Variants in CACNA2D4 observed in about 807,000 individuals in gnomAD.
CACNA2D4 encodes the protein voltage-dependent calcium channel subunit alpha-2/delta-4.
Under a neutral mutation model 163.8 loss-of-function variants are expected in CACNA2D4, and 157 were observed. That is an observed-to-expected ratio of 0.96 (90% CI 0.84 to 1.09). The LOEUF (loss-of-function observed/expected upper bound fraction) is 1.09, where lower values mean the gene tolerates loss of function less well. Among genes scored for constraint, CACNA2D4 ranks in the 50% least tolerant of loss-of-function variants. The pLI is 0.00. For missense variants in CACNA2D4, 1,410 were observed against 1,479.9 expected (o/e 0.95, Z 0.78); for synonymous variants, 598 against 586.9 (o/e 1.02, Z -0.27).
At chr12:1,817,619 G>A (rs71454843) in intron 26 of CACNA2D4, among the ~76,000 whole-genome samples, 14,671 of 151,824 alleles carry the variant, frequency 0.097, 834 homozygotes, top group Admixed American at 0.19. Flanking sequence ...AAGTGCCTGC[G>A]ATTGCAGGCG....
At chr12:1,914,803 G>C in intron 2 of CACNA2D4, 51 bp downstream of exon 2, 1 of 1,306,640 alleles carries the variant, frequency 7.7e-7, no homozygotes, top group Non-Finnish European at 1.1e-6. Context: ...GGGCTTCGAT[G>C]GCTGACTGCC....
chr12:1,835,422 TACAC>T (rs137889817), intron 26 of CACNA2D4: 121 of 150,534 alleles, frequency 8.0e-4, no homozygotes, highest in Non-Finnish European at 1.6e-3. Context: ...AAAGAATTAA[TACAC>T]ACACACACAC....
rs552298026 is a variant in CACNA2D4 at position 1,795,985 on chromosome 12, C to A, written c.3114-205G>T. On this transcript the variant is annotated intron_variant, in intron 35 of 37. Coordinates refer to ENST00000382722, the MANE Select transcript of CACNA2D4 (RefSeq NM_172364.5). The stretch of plus-strand genomic sequence containing the variant: ...CTTTGCTCACAAGCCTTTGCTGCTG[C>A]ATTTCCTTTCCTAGCAGACTGGAGA... 25 of 590,134 alleles carry A rather than the reference C, an allele frequency of 4.2e-5. No individual in the cohort carries two copies. In the East Asian group the frequency reaches 5.7e-4, roughly 13 times the overall value. 36.6% of individuals were successfully genotyped at this position (590,134 alleles called of 1,614,324 possible).
At position 1,856,193 on chromosome 12, in the gene CACNA2D4, G is replaced by A; in HGVS notation, c.2045C>T (p.Ala682Val). 1 of 1,613,966 alleles carries A rather than the reference G, an allele frequency of 6.2e-7. No homozygotes were observed. Among genetic ancestry groups the A allele is most frequent in the Non-Finnish European group, 8.5e-7 (1 of 1,179,874 alleles). ...HDLLHPDLAL[A>V]GDWIYCITDI... ...TTTACTCCTCACTTACCAGTCACCG[G>A]CCAGGGCCAGGTCTGGGTGAAGCAA... The change falls in exon 21 of 38, where the codon GCC (alanine) becomes GTC (valine). Residue 682 changes from alanine to valine, a missense_variant. By Grantham distance (64) the Ala-to-Val change is moderately conservative (BLOSUM62 0). Coordinates refer to ENST00000382722, the MANE Select transcript of CACNA2D4 (RefSeq NM_172364.5).
At chr12:1,825,981 T>C (rs375593198) in intron 26 of CACNA2D4, among the ~76,000 whole-genome samples, 1 of 152,176 alleles carries the variant, frequency 6.6e-6, no homozygotes, top group East Asian at 1.9e-4. Context: ...ACAGAGAGCG[T>C]GCACGCTGCT....
chr12:1,857,143 T>C (rs1197908916), intron 20 of CACNA2D4, among the ~76,000 whole-genome samples: 1 of 152,180 alleles, frequency 6.6e-6, no homozygotes, highest in African/African-American at 2.4e-5. Context: ...CTAGGGATGA[T>C]GGGGAACAGA....
Position 1,820,492 on chromosome 12 carries a change from CGCT to C in CACNA2D4, c.2552-8772_2552-8770del, listed in dbSNP as rs1173945548. 1 of 152,346 alleles carries C rather than the reference CGCT, an allele frequency of 6.6e-6. No homozygotes were observed. The highest frequency in any genetic ancestry group is 1.9e-4 in the East Asian group (1 of 5,202). The allele number at this position is 152,346 out of a possible 1,614,324, so 9.4% of individuals were successfully genotyped here. A position where few individuals can be genotyped will look rare whatever the true frequency, so the allele number is the denominator to read the frequency against. ...TGTCACTCCCCGCTCCACTCTGGCT[CGCT>C]GCTCGCGCACACGCGTGCGCTCTCC... is the stretch of plus-strand genomic sequence containing the variant. On this transcript the variant is annotated intron_variant, in intron 26 of 37. Transcript: ENST00000382722. This position sits in a 1 kb window ranked among gnomAD's most constrained non-coding sequence, Gnocchi z 6.0.
chr12:1,835,827 A>T (rs1205388051), intron 26 of CACNA2D4: 2 of 152,616 alleles, frequency 1.3e-5, no homozygotes, highest in African/African-American at 4.8e-5. Flanking sequence ...TGGGGCCCCC[A>T]CTGATTCCTC....
intron 26 of CACNA2D4, chr12:1,822,212 C>G (rs560754212): frequency 6.6e-6 from 1 of 152,194 alleles, no homozygotes; most frequent in Non-Finnish European, 1.5e-5. Flanking sequence ...TCTGGGCCCA[C>G]GAGGAGCAAA....
At chr12:1,866,320 A>T (rs554492015) in intron 18 of CACNA2D4, among the ~76,000 whole-genome samples, 1 of 152,310 alleles carries the variant, frequency 6.6e-6, no homozygotes, top group South Asian at 2.1e-4. Flanking sequence ...AATTTTTGAG[A>T]TAACTCTGCT....
chr12:1,915,016 AC>A, intron 1 of CACNA2D4, 81 bp from the exon 2 acceptor site: 1 of 1,029,312 alleles, frequency 9.7e-7, no homozygotes, highest in Non-Finnish European at 1.5e-6. Flanking sequence ...ATATGGGTTC[AC>A]ACACATAGAA....
intron 23 of CACNA2D4, among the ~76,000 whole-genome samples, chr12:1,851,135 A>G (rs2154448152): frequency 6.6e-6 from 1 of 152,224 alleles, no homozygotes; most frequent in Non-Finnish European, 1.5e-5. Context: ...CTCCCACCTG[A>G]GCCTCCTGAG....
chr12:1,813,427 A>C (rs539456412), intron 26 of CACNA2D4, among the ~76,000 whole-genome samples: 5 of 152,310 alleles, frequency 3.3e-5, no homozygotes, highest in African/African-American at 1.2e-4. Context: ...GATGGCCTAC[A>C]TCTGTGCTGT....
intron 26 of CACNA2D4, among the ~76,000 whole-genome samples, chr12:1,839,265 A>T (rs1233857399): frequency 6.6e-6 from 1 of 152,226 alleles, no homozygotes; most frequent in African/African-American, 2.4e-5. Context: ...AGGATGGCTG[A>T]GCTCGAATGC....
At position 1,878,851 on chromosome 12, in the gene CACNA2D4, C is replaced by G. The variant is rs1865934241; in HGVS notation, c.1644+105G>C. The G allele has an allele frequency of 9.0e-7, 1 of 1,117,118 alleles. No homozygotes were observed. The highest frequency in any genetic ancestry group is 1.3e-6 in the Non-Finnish European group (1 of 776,274). 69.2% of individuals were successfully genotyped at this position (1,117,118 alleles called of 1,614,324 possible). A position where few individuals can be genotyped will look rare whatever the true frequency, so the allele number is the denominator to read the frequency against. On this transcript the variant is annotated intron_variant, in intron 15 of 37. Transcript: ENST00000382722. This position sits in a 1 kb window ranked among gnomAD's most constrained non-coding sequence, Gnocchi z 4.6. ...CTTGGGCAGTGATGGAGGGGCCCCA[C>G]CCCAGCTCTGGGCTTGGCTTGCCTG...
chr12:1,894,217 A>T (rs529281900), intron 6 of CACNA2D4, among the ~76,000 whole-genome samples: 1 of 152,318 alleles, frequency 6.6e-6, no homozygotes, highest in South Asian at 2.1e-4. Context: ...ACAGACCAAT[A>T]ACACATAATA....
intron 1 of CACNA2D4, chr12:1,915,236 C>T (rs1866939337): frequency 2.8e-6 from 2 of 702,640 alleles, no homozygotes; most frequent in Admixed American, 4.0e-5. Flanking sequence ...ATGGCCTGGG[C>T]AGGAGACGCG....
At chr12:1,801,219 C>T in intron 30 of CACNA2D4, 101 bp from the exon 31 acceptor site, 2 of 925,716 alleles carry the variant, frequency 2.2e-6, no homozygotes, top group South Asian at 1.3e-5. Flanking sequence ...ACCGCAATTC[C>T]CAAGGGCGCC....
chr12:1,826,321 A>G (rs1864313802), intron 26 of CACNA2D4, among the ~76,000 whole-genome samples: 1 of 150,700 alleles, frequency 6.6e-6, no homozygotes, highest in African/African-American at 2.5e-5. Context: ...TGCGGTCACC[A>G]TTTCTAGACA....
Sources: gnomAD v4.1 joint callset for allele counts (sites outside exome capture counted in the v4.1 genomes callset) on GRCh38, gnomAD v4.1.1 for gene constraint, Gnocchi (gnomAD v3.1) non-coding constraint, MANE v1.5 for transcripts, NCBI Gene and HGNC (gene_info 2026-07-23, HGNC 2026-07-21) for gene names.